The following SEMA5A variants were observed in gnomAD, a reference collection of about 807,000 sequenced individuals.
The protein encoded by SEMA5A is semaphorin 5A.
A neutral mutation model predicts 135.5 loss-of-function variants in SEMA5A; 55 were observed. The observed-to-expected ratio is 0.41, with a 90% CI of 0.33 to 0.51. The LOEUF (loss-of-function observed/expected upper bound fraction) is 0.51. Among genes scored for constraint, SEMA5A ranks in the 20% least tolerant of loss-of-function variants. The pLI is 0.37. For missense variants in SEMA5A, 1,290 were observed against 1,419.9 expected (o/e 0.91, Z 1.47); for synonymous variants, 580 against 546.5 (o/e 1.06, Z -0.85).
At chr5:9,112,752 A>G (rs1338839522) in intron 15 of SEMA5A, among the ~76,000 whole-genome samples, 4 of 152,224 alleles carry the variant, frequency 2.6e-5, no homozygotes, top group Non-Finnish European at 4.4e-5. Context: ...CACCTTGCGT[A>G]ATCTCCTCCT....
intron 2 of SEMA5A, among the ~76,000 whole-genome samples, chr5:9,407,986 A>G (rs1156435723): frequency 6.6e-6 from 1 of 151,950 alleles, no homozygotes. Flanking sequence ...CACCATCACT[A>G]CTACTGCCAT....
chr5:9,120,821 C>CA (rs202057678), intron 14 of SEMA5A, among the ~76,000 whole-genome samples: 2,402 of 151,404 alleles, frequency 0.016, 32 homozygotes, highest in African/African-American at 0.04. Flanking sequence ...GCTCTGTCGC[C>CA]AGGCTGGAGT....
At chr5:9,373,910 C>T (rs1437776197) in intron 3 of SEMA5A, among the ~76,000 whole-genome samples, 1 of 152,182 alleles carries the variant, frequency 6.6e-6, no homozygotes, top group East Asian at 1.9e-4. Flanking sequence ...AATAAACAAA[C>T]AAAAGCAGAA....
At chr5:9,083,149 G>A (rs562655754) in intron 16 of SEMA5A, among the ~76,000 whole-genome samples, 1 of 152,252 alleles carries the variant, frequency 6.6e-6, no homozygotes, top group Non-Finnish European at 1.5e-5. Context: ...ACGTCCCTGT[G>A]ACATTTCATT....
At chr5:9,069,415 C>T (rs190903643) in intron 16 of SEMA5A, among the ~76,000 whole-genome samples, 243 of 152,188 alleles carry the variant, frequency 1.6e-3, no homozygotes, top group Non-Finnish European at 2.9e-3. Flanking sequence ...TCTGACTTTG[C>T]GCATTCATGC....
intron 1 of SEMA5A, among the ~76,000 whole-genome samples, chr5:9,490,312 C>T (rs1038484538): frequency 2.6e-5 from 4 of 152,042 alleles, no homozygotes; most frequent in African/African-American, 9.7e-5. Context: ...TAAACTGACA[C>T]AAGCTTTGTT....
chr5:9,359,923 T>C (rs1237332859), intron 3 of SEMA5A, among the ~76,000 whole-genome samples: 1 of 152,224 alleles, frequency 6.6e-6, no homozygotes, highest in African/African-American at 2.4e-5. Flanking sequence ...TTGACAACAC[T>C]AGGTGGCTGA....
intron 1 of SEMA5A, among the ~76,000 whole-genome samples, chr5:9,513,055 AATATATATATATAAT>A (rs1007136851): frequency 1.8e-5 from 2 of 110,960 alleles, no homozygotes; most frequent in Admixed American, 9.4e-5. Flanking sequence ...ATGAGATGCA[AATATATATATATAAT>A]ATATATATAT....
intron 8 of SEMA5A, among the ~76,000 whole-genome samples, chr5:9,205,693 A>C (rs375597165): frequency 6.6e-6 from 1 of 152,310 alleles, no homozygotes; most frequent in East Asian, 1.9e-4. Context: ...ACAACAAAAT[A>C]ATTTGTATTC....
intron 1 of SEMA5A, among the ~76,000 whole-genome samples, chr5:9,495,100 C>T (rs1466953055): frequency 6.6e-6 from 1 of 152,190 alleles, no homozygotes; most frequent in African/African-American, 2.4e-5. Context: ...TGTTTAAATT[C>T]TATTTTTCTT....
chr5:9,393,837 C>T (rs2126537839), intron 2 of SEMA5A, among the ~76,000 whole-genome samples: 1 of 152,178 alleles, frequency 6.6e-6, no homozygotes, highest in Admixed American at 6.5e-5. Flanking sequence ...TAAAAGAATG[C>T]TCATAGCAGC....
intron 16 of SEMA5A, among the ~76,000 whole-genome samples, chr5:9,071,641 T>C (rs551648256): frequency 3.5e-4 from 53 of 152,162 alleles, no homozygotes; most frequent in Non-Finnish European, 6.8e-4. Context: ...AAATATCTCA[T>C]ATTTCATACA....
rs1554006684 is a variant in SEMA5A, at chr5:9,226,996, A to AAC, written c.334-30_334-29insGT. Reference sequence around the variant, plus strand: ...AGGGAAAATAAATAAATTAATTAAAAATATATATATATATGTATAATGATA... The same window carrying AAC: ...AGGGAAAATAAATAAATTAATTAAAAACATATATATATATATGTATAATGATA... On this transcript the variant is annotated intron_variant, in intron 6 of 22. Transcript: ENST00000382496. 6 of 1,059,300 alleles carry AAC rather than the reference A, an allele frequency of 5.7e-6. No homozygotes were observed. The African/African-American group carries it at 8.2e-5, about 15-fold the overall frequency. The allele number at this position is 1,059,300 out of a possible 1,614,324, so 65.6% of individuals were successfully genotyped here.
At chr5:9,511,706 A>C (rs1291221549) in intron 1 of SEMA5A, among the ~76,000 whole-genome samples, 5 of 152,250 alleles carry the variant, frequency 3.3e-5, no homozygotes, top group Non-Finnish European at 7.3e-5. Flanking sequence ...TCACCACAAA[A>C]AAAAGAAAGA....
chr5:9,369,458 G>A (rs1314439827), intron 3 of SEMA5A, among the ~76,000 whole-genome samples: 2 of 152,126 alleles, frequency 1.3e-5, no homozygotes, highest in Admixed American at 6.5e-5. Context: ...TTTTCTTCCA[G>A]AGGTTTTTAA....
chr5:9,457,995 C>T (rs1411932124), intron 1 of SEMA5A, among the ~76,000 whole-genome samples: 4 of 149,674 alleles, frequency 2.7e-5, no homozygotes, highest in Non-Finnish European at 5.9e-5. Flanking sequence ...GCAAGCTCCG[C>T]CTCCCGGGTT....
chr5:9,335,492 C>A (rs1234756817), intron 4 of SEMA5A, among the ~76,000 whole-genome samples: 1 of 152,142 alleles, frequency 6.6e-6, no homozygotes, highest in Non-Finnish European at 1.5e-5. Flanking sequence ...CACACAGCAC[C>A]CAGGACCTCC....
chr5:9,302,218 T>C (rs894216223), intron 5 of SEMA5A, among the ~76,000 whole-genome samples: 3 of 152,214 alleles, frequency 2.0e-5, no homozygotes, highest in Admixed American at 6.5e-5. Context: ...ATCTTTGCCA[T>C]GTAAGGTCAC....
chr5:9,208,907 G>A (rs1805970), intron 8 of SEMA5A, among the ~76,000 whole-genome samples: 13,833 of 152,140 alleles, frequency 0.091, 891 homozygotes, highest in African/African-American at 0.18. Context: ...GCATCCTCAG[G>A]TGTGTCACTC....
Sources: gnomAD v4.1 joint callset for allele counts (sites outside exome capture counted in the v4.1 genomes callset) on GRCh38, gnomAD v4.1.1 for gene constraint, MANE v1.5 for transcripts, NCBI Gene and HGNC (gene_info 2026-07-23, HGNC 2026-07-21) for gene names.